PPP2R5E: variants seen among roughly 807,000 people sequenced by gnomAD.
PPP2R5E encodes serine/threonine-protein phosphatase 2A 56 kDa regulatory subunit epsilon isoform.
PPP2R5E carries 4 observed loss-of-function variants against 65.3 expected under a neutral mutation model. The observed-to-expected ratio is 0.06, with a 90% CI of 0.03 to 0.14. The LOEUF (loss-of-function observed/expected upper bound fraction) is 0.14. Among genes scored for constraint, PPP2R5E ranks in the 10% least tolerant of loss-of-function variants. The probability of loss-of-function intolerance (pLI) is 1.00; values close to 1 mark genes in which losing one functional copy is unlikely to be tolerated. For synonymous variants in PPP2R5E, 183 were observed against 187.4 expected, an observed-to-expected ratio of 0.98 and a Z score of 0.19; for missense variants, 274 against 556.1, an observed-to-expected ratio of 0.49 and a Z score of 5.10.
intron 3 of PPP2R5E, among the ~76,000 whole-genome samples, chr14:63,436,537 T>C (rs1034129880): frequency 6.6e-6 from 1 of 152,250 alleles, no homozygotes; most frequent in African/African-American, 2.4e-5. Flanking sequence ...AAAACACACC[T>C]GACCTACATA....
At chr14:63,485,674 A>G (rs1272027055) in intron 2 of PPP2R5E, among the ~76,000 whole-genome samples, 1 of 152,016 alleles carries the variant, frequency 6.6e-6, no homozygotes, top group African/African-American at 2.4e-5. Flanking sequence ...TCGGCCTCCC[A>G]AAGTGCTGAG....
chr14:63,440,306 T>C (rs1044824445), intron 3 of PPP2R5E, among the ~76,000 whole-genome samples: 11 of 151,498 alleles, frequency 7.3e-5, no homozygotes, highest in Admixed American at 2.0e-4. Context: ...GAGAGAAAAA[T>C]TGAGAAGCAG....
chr14:63,468,424 G>C (rs1889946745), intron 2 of PPP2R5E, among the ~76,000 whole-genome samples: 1 of 152,210 alleles, frequency 6.6e-6, no homozygotes, highest in Admixed American at 6.5e-5. Context: ...AACTTGATTA[G>C]AGGAAAGGTA....
intron 12 of PPP2R5E, 83 bp downstream of exon 12, chr14:63,384,361 C>G: frequency 6.8e-7 from 1 of 1,470,410 alleles, no homozygotes; most frequent in Non-Finnish European, 9.4e-7. Context: ...GCAACAAGGA[C>G]AGCATCTGGC....
At chr14:63,440,097 G>A (rs1237425549) in intron 3 of PPP2R5E, among the ~76,000 whole-genome samples, 1 of 152,202 alleles carries the variant, frequency 6.6e-6, no homozygotes, top group Non-Finnish European at 1.5e-5. Context: ...GCACCAACGG[G>A]CAGAGGAGCC....
At chr14:63,529,518 G>A (rs1594976212) in intron 2 of PPP2R5E, among the ~76,000 whole-genome samples, 1 of 151,836 alleles carries the variant, frequency 6.6e-6, no homozygotes, top group East Asian at 1.9e-4. Context: ...CTGCTACCAC[G>A]CCCGGCTAGT....
chr14:63,463,600 C>A (rs1446926420), intron 2 of PPP2R5E, among the ~76,000 whole-genome samples: 1 of 139,220 alleles, frequency 7.2e-6, no homozygotes, highest in Admixed American at 7.1e-5. Context: ...CTCGAATTCG[C>A]TTTTTTTTTT....
chr14:63,455,626 C>G (rs1456901287), intron 2 of PPP2R5E, among the ~76,000 whole-genome samples: 1 of 152,128 alleles, frequency 6.6e-6, no homozygotes, highest in African/African-American at 2.4e-5. Flanking sequence ...ACCAAACTCT[C>G]TAAGTGCTAC....
At chr14:63,399,014 A>C (rs1169079003) in intron 5 of PPP2R5E, among the ~76,000 whole-genome samples, 3 of 152,208 alleles carry the variant, frequency 2.0e-5, no homozygotes, top group Non-Finnish European at 2.9e-5. Flanking sequence ...TTCCACTTTC[A>C]TGTATATATC....
intron 2 of PPP2R5E, among the ~76,000 whole-genome samples, chr14:63,502,042 G>A (rs1328399159): frequency 6.6e-6 from 1 of 152,008 alleles, no homozygotes; most frequent in African/African-American, 2.4e-5. Context: ...TTATAGGCAC[G>A]CACCATCACG....
intron 2 of PPP2R5E, among the ~76,000 whole-genome samples, chr14:63,487,814 A>G (rs910552081): frequency 2.6e-5 from 4 of 152,104 alleles, no homozygotes; most frequent in African/African-American, 9.7e-5. Flanking sequence ...ATCTCAACAT[A>G]ATCACTTTTT....
intron 2 of PPP2R5E, among the ~76,000 whole-genome samples, chr14:63,509,328 G>A (rs1892358110): frequency 7.2e-6 from 1 of 138,106 alleles, no homozygotes; most frequent in Non-Finnish European, 1.5e-5. Flanking sequence ...AGGCTGGAGT[G>A]CAGTGGCGCG....
Position 63,407,205 on chromosome 14 carries a change from T to C in PPP2R5E, c.549+7935A>G, listed in dbSNP as rs549964982. Among the ~76,000 whole-genome samples, 5 of 152,184 alleles carry C rather than the reference T, an allele frequency of 3.3e-5. No individual in the cohort carries two copies. The East Asian group carries it at 9.6e-4, about 29-fold the overall frequency. ...GTTATGTCACTTGTCCAAGGTCGAA[T>C]ACAAAAAAAATGGCAGAGCCCGAAT... On this transcript the variant is annotated intron_variant, in intron 5 of 13. Coordinates refer to ENST00000337537, the MANE Select transcript of PPP2R5E (RefSeq NM_006246.5).
chr14:63,542,363 G>A (rs1398033996), intron 1 of PPP2R5E, among the ~76,000 whole-genome samples: 1 of 152,250 alleles, frequency 6.6e-6, no homozygotes, highest in East Asian at 1.9e-4. Context: ...GGGGGTAAGG[G>A]GAAGTAGGGA....
At chr14:63,436,753 G>A (rs752374040) in intron 3 of PPP2R5E, among the ~76,000 whole-genome samples, 2 of 152,150 alleles carry the variant, frequency 1.3e-5, no homozygotes, top group Non-Finnish European at 2.9e-5. Flanking sequence ...ACCAAGAGAA[G>A]GATCTAGGGG....
chr14:63,440,783 C>CAAAAAAAAAAAAAA (rs763718989), intron 3 of PPP2R5E, among the ~76,000 whole-genome samples: 4 of 108,818 alleles, frequency 3.7e-5, no homozygotes, highest in African/African-American at 7.5e-5. Context: ...CTAAAAAATA[C>CAAAAAAAAAAAAAA]AAAAAAAAAA....
At chr14:63,493,491 T>TGC (rs1566742163) in intron 2 of PPP2R5E, among the ~76,000 whole-genome samples, 1 of 125,630 alleles carries the variant, frequency 8.0e-6, no homozygotes, top group Admixed American at 9.2e-5. Context: ...CGCGTGTGTG[T>TGC]GTGCGTGTGT....
At chr14:63,473,398 C>T (rs976388204) in intron 2 of PPP2R5E, among the ~76,000 whole-genome samples, 1 of 152,112 alleles carries the variant, frequency 6.6e-6, no homozygotes, top group East Asian at 1.9e-4. Flanking sequence ...AAAATGGAAC[C>T]ATGGGGCAGC....
At chr14:63,486,307 C>G (rs1484665502) in intron 2 of PPP2R5E, among the ~76,000 whole-genome samples, 1 of 150,448 alleles carries the variant, frequency 6.6e-6, no homozygotes, top group Non-Finnish European at 1.5e-5. Context: ...CACACACACA[C>G]ACACACACAC....
Sources: allele counts gnomAD v4.1 joint callset (sites outside exome capture counted in the v4.1 genomes callset), GRCh38; gene constraint gnomAD v4.1.1; transcripts MANE v1.5; gene names NCBI Gene and HGNC (gene_info 2026-07-23, HGNC 2026-07-21).